ZCWPW2: variants seen among roughly 807,000 people sequenced by gnomAD.
ZCWPW2 encodes the protein zinc finger CW-type PWWP domain protein 2.
ZCWPW2 carries 45 observed loss-of-function variants against 46.6 expected under a neutral mutation model. That is an observed-to-expected ratio of 0.96 (90% CI 0.76 to 1.24). The LOEUF is 1.24. ZCWPW2 is among the 50% of genes most tolerant of loss of function. The pLI is 0.00. For missense variants in ZCWPW2, 429 were observed against 403.9 expected (o/e 1.06, Z -0.53); for synonymous variants, 152 against 137.1 (o/e 1.11, Z -0.76).
chr3:28,513,472 G>T (rs914099073), intron 6 of ZCWPW2, among the ~76,000 whole-genome samples: 4 of 151,878 alleles, frequency 2.6e-5, no homozygotes, highest in African/African-American at 9.7e-5. Flanking sequence ...TTTGTGTCCC[G>T]GTGAGTGAAG....
Position 28,514,142 on chromosome 3 carries a change from A to G in ZCWPW2, c.716+20A>G, listed in dbSNP as rs751908959. On this transcript the variant is annotated intron_variant, in intron 7 of 9. Coordinates refer to ENST00000383768, the MANE Select transcript of ZCWPW2 (RefSeq NM_001040432.4). ...GAAAAGGTATGCTTTTTGAAATTAA[A>G]TAGTATTATGATAAAATTGAAATAT... 3 of 1,417,164 alleles carry G rather than the reference A, an allele frequency of 2.1e-6. No homozygotes were observed. The highest frequency in any genetic ancestry group is 1.9e-6 in the Non-Finnish European group (2 of 1,038,298). 87.8% of individuals were successfully genotyped at this position (1,417,164 alleles called of 1,614,324 possible). A position where few individuals can be genotyped will look rare whatever the true frequency, so the allele number is the denominator to read the frequency against.
At chr3:28,384,942 T>A (rs1199971555) in intron 1 of ZCWPW2, among the ~76,000 whole-genome samples, 1 of 152,194 alleles carries the variant, frequency 6.6e-6, no homozygotes, top group African/African-American at 2.4e-5. Context: ...ATGACTTTTG[T>A]GTTTTACATA....
At chr3:28,412,314 A>G (rs1017253465) in intron 2 of ZCWPW2, among the ~76,000 whole-genome samples, 4 of 151,870 alleles carry the variant, frequency 2.6e-5, no homozygotes, top group African/African-American at 9.7e-5. Context: ...TTTTCTAACA[A>G]AAAAGCTCTG....
chr3:28,413,473 A>C, intron 3 of ZCWPW2, 73 bp downstream of exon 3: 3 of 1,263,184 alleles, frequency 2.4e-6, no homozygotes, highest in Non-Finnish European at 3.2e-6. Context: ...AATCTTTTTG[A>C]AGACTAAACA....
chr3:28,504,070 A>G (rs1450705248), intron 6 of ZCWPW2, among the ~76,000 whole-genome samples: 1 of 151,830 alleles, frequency 6.6e-6, no homozygotes, highest in Non-Finnish European at 1.5e-5. Context: ...GGTGGCGTGC[A>G]TCTGTGGTCC....
chr3:28,468,358 AAAGAGG>A (rs201799785), intron 4 of ZCWPW2, among the ~76,000 whole-genome samples: 5,379 of 152,246 alleles, frequency 0.035, 120 homozygotes, highest in Middle Eastern at 0.071. Context: ...TATTGGCCTT[AAAGAGG>A]AAGTAAAGAA....
intron 1 of ZCWPW2, among the ~76,000 whole-genome samples, chr3:28,388,793 C>A (rs1657897169): frequency 6.6e-6 from 1 of 152,170 alleles, no homozygotes; most frequent in Admixed American, 6.5e-5. Context: ...AGCTGATAAC[C>A]CAGTCCTTCA....
chr3:28,478,713 C>A, intron 4 of ZCWPW2, 101 bp from the exon 5 acceptor site: 1 of 513,236 alleles, frequency 1.9e-6, no homozygotes, highest in Non-Finnish European at 3.3e-6. Context: ...ATACGTTATA[C>A]AATGCTCCAA....
At chr3:28,376,355 C>T (rs1705500017) in intron 1 of ZCWPW2, among the ~76,000 whole-genome samples, 1 of 152,090 alleles carries the variant, frequency 6.6e-6, no homozygotes. Flanking sequence ...CACATTTTGA[C>T]TTTTAATTAT....
Position 28,440,522 on chromosome 3 carries a change from T to C in ZCWPW2, c.492+5253T>C, listed in dbSNP as rs549047803. On this transcript the variant is annotated intron_variant, in intron 4 of 9. Coordinates refer to ENST00000383768, the MANE Select transcript of ZCWPW2 (RefSeq NM_001040432.4). ...ATAATGGATGCTGATTCAGAACATA[T>C]GCAGCCTTCTGGAGAACTTTGGCCA... is the stretch of plus-strand genomic sequence containing the variant. 7.2e-5 allele frequency among the ~76,000 whole-genome samples: 11 copies of C among 152,318 alleles called. No homozygotes were observed. The East Asian group carries it at 2.1e-3, about 29-fold the overall frequency.
rs972322395 is a variant in ZCWPW2, at chr3:28,396,325, A to G, written c.-14+5708A>G. 9.2e-5 allele frequency among the ~76,000 whole-genome samples: 14 copies of G among 152,314 alleles called. No individual in the cohort carries two copies. In the South Asian group the frequency reaches 1.9e-3, roughly 20 times the overall value. On this transcript the variant is annotated intron_variant, in intron 2 of 9. Transcript: ENST00000383768. ...CTAAAATATTACAAAAATTTAATCC[A>G]TATCGTTAGAATTATTTTATTAATC...
chr3:28,350,927 T>C (rs147588690), intron 1 of ZCWPW2, among the ~76,000 whole-genome samples: 1 of 151,988 alleles, frequency 6.6e-6, no homozygotes, highest in East Asian at 1.9e-4. Flanking sequence ...TGGTTGGTTT[T>C]CCAGAGCATC....
intron 4 of ZCWPW2, among the ~76,000 whole-genome samples, chr3:28,457,685 G>T (rs1365598261): frequency 6.6e-6 from 1 of 152,122 alleles, no homozygotes; most frequent in Non-Finnish European, 1.5e-5. Context: ...TGCTTCTTGT[G>T]CGGTATTCAT....
rs1700808058 is a variant in ZCWPW2 at position 28,524,679 on chromosome 3, T to G, written c.1062T>G (p.Ser354=). 2 of 1,540,908 alleles carry G rather than the reference T, an allele frequency of 1.3e-6. No homozygotes were observed. Among genetic ancestry groups the G allele is most frequent in the Non-Finnish European group, 1.8e-6 (2 of 1,141,524 alleles). ...TTAAAGAAATAGATGCTTTGATGTC[T>G]GAGTTTTAGAACATTATACATTTTT... ...NKFKEIDALM[S]EF is the part of the protein sequence containing the mutation. The change falls in exon 10 of 10, where the codon TCT becomes TCG. Residue 354 remains serine, a synonymous_variant. Coordinates refer to ENST00000383768, the MANE Select transcript of ZCWPW2 (RefSeq NM_001040432.4).
chr3:28,433,976 T>C (rs1358143915), intron 3 of ZCWPW2, among the ~76,000 whole-genome samples: 3 of 151,320 alleles, frequency 2.0e-5, no homozygotes, highest in African/African-American at 4.8e-5. Context: ...GTTTCTCTTA[T>C]AATACCCTTG....
intron 4 of ZCWPW2, among the ~76,000 whole-genome samples, chr3:28,455,004 A>G (rs1272914379): frequency 1.3e-5 from 2 of 152,134 alleles, no homozygotes; most frequent in African/African-American, 4.8e-5. Context: ...ATACCTAGTA[A>G]TGGGATTGCT....
In ZCWPW2 at chr3:28,361,961, T is replaced by C. The variant is rs150396525; in HGVS notation, c.-134+12758T>C. ...GGTGTAGCTGCTGTGGAAAATGTTA[T>C]AGAGGTTTCCCCCAAATTAAAAGTG... is the stretch of plus-strand genomic sequence containing the variant. On this transcript the variant is annotated intron_variant, in intron 1 of 9. Coordinates refer to ENST00000383768, the MANE Select transcript of ZCWPW2 (RefSeq NM_001040432.4). 1.6e-3 allele frequency among the ~76,000 whole-genome samples: 247 copies of C among 152,252 alleles called. 3 individuals are homozygous for C. The highest frequency in any genetic ancestry group is 5.5e-3 in the African/African-American group (230 of 41,556).
At chr3:28,402,495 T>C (rs1340119862) in intron 2 of ZCWPW2, among the ~76,000 whole-genome samples, 2 of 152,132 alleles carry the variant, frequency 1.3e-5, no homozygotes, top group East Asian at 3.9e-4. Flanking sequence ...TTGGTACCAA[T>C]CCTACTGACA....
At chr3:28,430,358 G>A (rs995466729) in intron 3 of ZCWPW2, among the ~76,000 whole-genome samples, 2 of 152,222 alleles carry the variant, frequency 1.3e-5, no homozygotes, top group Admixed American at 1.3e-4. Context: ...CTTCGTTTTG[G>A]CCAATTTCTT....
Sources: allele counts gnomAD v4.1 joint callset (sites outside exome capture counted in the v4.1 genomes callset), GRCh38; gene constraint gnomAD v4.1.1; transcripts MANE v1.5; gene names NCBI Gene and HGNC (gene_info 2026-07-23, HGNC 2026-07-21).